The following SSH1 variants were observed in gnomAD, a reference collection of about 807,000 sequenced individuals.
SSH1 encodes the protein slingshot protein phosphatase 1, also known as protein phosphatase Slingshot homolog 1.
Under a neutral mutation model 79.7 loss-of-function variants are expected in SSH1, and 43 were observed. The ratio of observed to expected loss-of-function variants is 0.54; its 90% CI spans 0.42 to 0.70. The LOEUF (loss-of-function observed/expected upper bound fraction) is 0.70, where lower values mean the gene tolerates loss of function less well. Among genes scored for constraint, SSH1 ranks in the 30% least tolerant of loss-of-function variants. The probability of loss-of-function intolerance (pLI) is 0.00; values close to 1 mark genes in which losing one functional copy is unlikely to be tolerated. For missense variants in SSH1, 1,206 were observed against 1,358.8 expected, an observed-to-expected ratio of 0.89 and a Z score of 1.77; for synonymous variants, 599 against 538.3, an observed-to-expected ratio of 1.11 and a Z score of -1.56.
At chr12:108,803,139 A>C (rs750065488) in intron 10 of SSH1, among the ~76,000 whole-genome samples, 18 of 152,218 alleles carry the variant, frequency 1.2e-4, no homozygotes, top group Non-Finnish European at 2.2e-4. Flanking sequence ...CAAAGAAGCT[A>C]TATATGCATT....
Position 108,788,248 on chromosome 12 carries a change from G to C in SSH1, c.2890C>G (p.Leu964Val). 1.9e-6 allele frequency: 3 copies of C among 1,613,844 alleles called. No individual in the cohort carries two copies. The highest frequency in any genetic ancestry group is 2.5e-6 in the Non-Finnish European group (3 of 1,180,010). ...RTQEIETRLRLAGLTVSSPLK... is the reference protein window; with the variant it reads ...RTQEIETRLRVAGLTVSSPLK... ...GGGGAAGAGACGGTGAGGCCCGCCA[G>C]CCGGAGCCGGGTCTCAATCTCCTGT... Residue 964 changes from leucine (L) to valine (V), a missense_variant, in exon 15 of 15, where the codon CTG (leucine) becomes GTG (valine). Leu to Val is a conservative substitution (Grantham distance 32, BLOSUM62 1). Transcript: ENST00000326495.
At position 108,784,613 on chromosome 12, in the gene SSH1, G is replaced by C. The variant is rs1264613735; in HGVS notation, c.*3375C>G. Reference sequence around the variant, plus strand: ...GGAAGTAGCCGTAAGACAAAGAAATGGAAATCGGCATTGTCAATTACCATC... The same window carrying C: ...GGAAGTAGCCGTAAGACAAAGAAATCGAAATCGGCATTGTCAATTACCATC... On this transcript the variant is annotated 3_prime_UTR_variant, in exon 15 of 15. Coordinates refer to ENST00000326495, the MANE Select transcript of SSH1 (RefSeq NM_018984.4). 1 of 152,198 alleles carries C rather than the reference G, an allele frequency of 6.6e-6. No homozygotes were observed. Among genetic ancestry groups the C allele is most frequent in the Non-Finnish European group, 1.5e-5 (1 of 68,046 alleles). 9.4% of individuals were successfully genotyped at this position (152,198 alleles called of 1,614,324 possible). A position where few individuals can be genotyped will look rare whatever the true frequency, so the allele number is the denominator to read the frequency against.
chr12:108,817,054 A>G lies in SSH1; in HGVS notation c.385T>C (p.Phe129Leu). 1 of 1,614,094 alleles carries G rather than the reference A, an allele frequency of 6.2e-7. No individual in the cohort carries two copies. ...CAGACTCACCTTTCCTTACTGGAAA[A>G]GTCCACTCCCAGCAAGATATTCTCC... ...TEENILLGVD[F>L]SSKESKSCTI... is the part of the protein sequence containing the mutation. Residue 129 changes from phenylalanine to leucine, a missense_variant, in exon 5 of 15, where the codon TTT (phenylalanine) becomes CTT (leucine). Physicochemically the swap from Phe to Leu is conservative, Grantham distance 22 (BLOSUM62 0). Around this residue, in one of 5 missense-constraint regions of SSH1, gnomAD observed 115 missense variants for 173.9 expected, o/e 0.66. Coordinates refer to ENST00000326495, the MANE Select transcript of SSH1 (RefSeq NM_018984.4).
chr12:108,847,138 A>G (rs527789934), intron 2 of SSH1, among the ~76,000 whole-genome samples: 4 of 152,254 alleles, frequency 2.6e-5, no homozygotes, highest in African/African-American at 9.6e-5. Flanking sequence ...GGCTCAAGCA[A>G]TCCACTCACC....
chr12:108,819,367 A>G (rs2038029291), intron 3 of SSH1, among the ~76,000 whole-genome samples: 1 of 152,252 alleles, frequency 6.6e-6, no homozygotes, highest in African/African-American at 2.4e-5. Flanking sequence ...CGCGCGAAGC[A>G]GAGACCCTGT....
chr12:108,848,517 A>T (rs938863472), intron 2 of SSH1, among the ~76,000 whole-genome samples: 1 of 152,222 alleles, frequency 6.6e-6, no homozygotes, highest in Non-Finnish European at 1.5e-5. Context: ...TCCTGACCCC[A>T]AACAGAAAGC....
chr12:108,823,007 G>C (rs143446593), intron 3 of SSH1, among the ~76,000 whole-genome samples: 35 of 152,334 alleles, frequency 2.3e-4, no homozygotes, highest in African/African-American at 7.2e-4. Context: ...ACTACAGAGA[G>C]GAAATCTTTG....
chr12:108,802,920 C>T (rs548081935), intron 10 of SSH1, among the ~76,000 whole-genome samples: 1 of 152,078 alleles, frequency 6.6e-6, no homozygotes, highest in Non-Finnish European at 1.5e-5. Flanking sequence ...TTGTAATAAA[C>T]CAGTGGAAAC....
chr12:108,816,949 C>T (rs1360755181), intron 5 of SSH1, 89 bp downstream of exon 5: 2 of 1,585,870 alleles, frequency 1.3e-6, no homozygotes, highest in African/African-American at 1.3e-5. Flanking sequence ...CCTCTCCCAC[C>T]TCTGATGGAT....
chr12:108,822,350 T>C (rs1022938555), intron 3 of SSH1, among the ~76,000 whole-genome samples: 4 of 152,128 alleles, frequency 2.6e-5, no homozygotes, highest in African/African-American at 9.7e-5. Flanking sequence ...TTCGGGTTAG[T>C]CTGGAACTCC....
intron 11 of SSH1, among the ~76,000 whole-genome samples, chr12:108,801,304 G>A (rs1309278073): frequency 1.3e-5 from 2 of 152,190 alleles, no homozygotes; most frequent in African/African-American, 4.8e-5. Flanking sequence ...CTAAAAAGCA[G>A]ACTATATCCA....
chr12:108,849,069 T>C (rs2038961311), intron 2 of SSH1, among the ~76,000 whole-genome samples: 1 of 152,150 alleles, frequency 6.6e-6, no homozygotes, highest in African/African-American at 2.4e-5. Context: ...TAGGATCAAC[T>C]TGGCATTAGA....
intron 5 of SSH1, among the ~76,000 whole-genome samples, chr12:108,813,916 G>A (rs983964937): frequency 2.2e-4 from 34 of 152,100 alleles, no homozygotes; most frequent in African/African-American, 4.8e-4. Context: ...CCCAGGATGC[G>A]TATGCAGATA....
chr12:108,789,258 G>C lies in SSH1; in HGVS notation c.1894-14C>G. 6.3e-7 allele frequency: 1 copy of C among 1,584,168 alleles called. No homozygotes were observed. Among genetic ancestry groups the C allele is most frequent in the South Asian group, 1.1e-5 (1 of 87,048 alleles). ...TATAGCATCATCCTGCAAGGAAGGG[G>C]ACAAGAGCATGGTGAGACGGTGCAG... is the stretch of plus-strand genomic sequence containing the variant. On this transcript the variant is annotated splice_polypyrimidine_tract_variant and intron_variant, in intron 14 of 14. Coordinates refer to ENST00000326495, the MANE Select transcript of SSH1 (RefSeq NM_018984.4).
intron 2 of SSH1, among the ~76,000 whole-genome samples, chr12:108,834,615 G>T (rs900936139): frequency 6.6e-6 from 1 of 152,108 alleles, no homozygotes; most frequent in Admixed American, 6.6e-5. Context: ...CAAAGGCGGG[G>T]GTCCTGAAAC....
intron 2 of SSH1, among the ~76,000 whole-genome samples, chr12:108,837,929 T>A (rs1386662762): frequency 6.6e-6 from 1 of 151,952 alleles, no homozygotes; most frequent in African/African-American, 2.4e-5. Context: ...ACTACAGGTG[T>A]GTGCTGCCAC....
rs781740216 is a variant in SSH1 at position 108,852,654 on chromosome 12, G to C, written c.94C>G (p.Arg32Gly). The C allele has an allele frequency of 1.9e-6, 3 of 1,614,126 alleles. No homozygotes were observed. Among genetic ancestry groups the C allele is most frequent in the Non-Finnish European group, 2.5e-6 (3 of 1,180,024 alleles). The change falls in exon 2 of 15, where the codon CGA becomes GGA. Residue 32 changes from arginine (R) to glycine (G), a missense_variant. Coordinates refer to ENST00000326495, the MANE Select transcript of SSH1 (RefSeq NM_018984.4). ...SELEAGSEED[R>G]KLNLSLSESF... ...TCTGCTTACCTGAGGTTTAATTTTC[G>C]ATCTTCTTCGCTGCCAGCCTCCAAC...
At chr12:108,816,860 G>A (rs1052220015) in intron 5 of SSH1, among the ~76,000 whole-genome samples, 178 bp downstream of exon 5, 41 of 152,174 alleles carry the variant, frequency 2.7e-4, no homozygotes, top group African/African-American at 9.2e-4. Context: ...CTGGCACGGT[G>A]CCTGGCACAG....
intron 13 of SSH1, among the ~76,000 whole-genome samples, chr12:108,796,668 A>G (rs1004747935): frequency 1.3e-5 from 2 of 152,178 alleles, no homozygotes; most frequent in East Asian, 1.9e-4. Flanking sequence ...TAATGTACAA[A>G]TATCTCTCCG....
Sources: gnomAD v4.1 joint callset for allele counts (sites outside exome capture counted in the v4.1 genomes callset) on GRCh38, gnomAD v4.1.1 for gene constraint, gnomAD v4.1.1 regional missense constraint, MANE v1.5 for transcripts, NCBI Gene and HGNC (gene_info 2026-07-23, HGNC 2026-07-21) for gene names.